Variants in FHIT observed in about 807,000 individuals in gnomAD.
FHIT encodes the protein fragile histidine triad diadenosine triphosphatase.
In FHIT, 19 loss-of-function variants were observed where a neutral mutation model predicts 17.9. The ratio of observed to expected loss-of-function variants is 1.06; its 90% CI spans 0.74 to 1.56. FHIT has a LOEUF of 1.56. FHIT is among the 40% of genes most tolerant of loss of function. The probability of loss-of-function intolerance (pLI) is 0.00; values close to 1 mark genes in which losing one functional copy is unlikely to be tolerated. For synonymous variants in FHIT, 81 were observed against 69.7 expected, an observed-to-expected ratio of 1.16 and a Z score of -0.81; for missense variants, 248 against 189.2, an observed-to-expected ratio of 1.31 and a Z score of -1.82.
intron 3 of FHIT, among the ~76,000 whole-genome samples, chr3:60,874,601 G>T (rs1423667688): frequency 6.6e-6 from 1 of 152,098 alleles, no homozygotes; most frequent in Non-Finnish European, 1.5e-5. Context: ...ACCAGGACAG[G>T]GACAGAAGAA....
intron 5 of FHIT, among the ~76,000 whole-genome samples, chr3:60,087,587 C>T (rs1703549182): frequency 6.6e-6 from 1 of 152,144 alleles, no homozygotes; most frequent in Non-Finnish European, 1.5e-5. Flanking sequence ...TGCAGCCTAG[C>T]ATTTTCATCC....
intron 4 of FHIT, among the ~76,000 whole-genome samples, chr3:60,715,216 A>G (rs2041651297): frequency 6.6e-6 from 1 of 152,160 alleles, no homozygotes; most frequent in Non-Finnish European, 1.5e-5. Flanking sequence ...TGGTGCTGGG[A>G]AAACTGGCTA....
At chr3:60,558,344 C>T (rs2036814778) in intron 4 of FHIT, among the ~76,000 whole-genome samples, 1 of 151,894 alleles carries the variant, frequency 6.6e-6, no homozygotes, top group South Asian at 2.1e-4. Context: ...GCATCAATTA[C>T]CCTTAGTAAC....
rs190705041 is a variant in FHIT at position 59,986,377 on chromosome 3, G to T, written c.279+24994C>A. On this transcript the variant is annotated intron_variant, in intron 7 of 9. Transcript: ENST00000492590. ...CCAAATACTGTCTTTTCTCCAACTC[G>T]ATTTTTCCTTCTTGTGCCCTTACTT... Among the ~76,000 whole-genome samples, 460 of 150,202 alleles carry T rather than the reference G, an allele frequency of 3.1e-3. 14 individuals are homozygous for T. Among genetic ancestry groups the T allele is most frequent in the Non-Finnish European group, 1.2e-3 (80 of 67,778 alleles).
intron 3 of FHIT, among the ~76,000 whole-genome samples, chr3:60,944,339 T>C (rs567608035): frequency 1.3e-5 from 2 of 152,136 alleles, no homozygotes; most frequent in Non-Finnish European, 2.9e-5. Flanking sequence ...TTTGTCTTTT[T>C]TTTTTCCTCC....
intron 3 of FHIT, among the ~76,000 whole-genome samples, chr3:60,925,656 T>C (rs4474995): frequency 0.043 from 6,620 of 152,208 alleles, 505 homozygotes; most frequent in African/African-American, 0.15. Flanking sequence ...CATCAACTAA[T>C]GAGCAAAATA....
chr3:59,861,152 T>A (rs557182918), intron 8 of FHIT, among the ~76,000 whole-genome samples: 3 of 152,174 alleles, frequency 2.0e-5, no homozygotes, highest in African/African-American at 7.2e-5. Context: ...TGAGGAAGCA[T>A]GGGTGGTGGT....
intron 8 of FHIT, among the ~76,000 whole-genome samples, chr3:59,848,841 T>C (rs1207133248): frequency 6.6e-6 from 1 of 152,190 alleles, no homozygotes; most frequent in Non-Finnish European, 1.5e-5. Flanking sequence ...ATAAAACACT[T>C]GGGGAAAAAG....
chr3:60,201,670 T>C (rs528017451), intron 5 of FHIT, among the ~76,000 whole-genome samples: 1 of 152,310 alleles, frequency 6.6e-6, no homozygotes, highest in South Asian at 2.1e-4. Context: ...CTACATGGGA[T>C]TTATTATACT....
At chr3:60,240,044 CTG>C (rs1220453936) in intron 5 of FHIT, among the ~76,000 whole-genome samples, 2 of 152,166 alleles carry the variant, frequency 1.3e-5, no homozygotes, top group African/African-American at 4.8e-5. Flanking sequence ...ACACAAAAAA[CTG>C]TAAAAATTAT....
intron 4 of FHIT, among the ~76,000 whole-genome samples, chr3:60,692,861 T>C (rs1018465973): frequency 3.9e-5 from 6 of 152,234 alleles, no homozygotes; most frequent in African/African-American, 1.4e-4. Flanking sequence ...TTCACAAAAG[T>C]ACTTACATGC....
intron 3 of FHIT, among the ~76,000 whole-genome samples, chr3:60,958,342 T>G (rs1709266939): frequency 6.6e-6 from 1 of 152,346 alleles, no homozygotes; most frequent in South Asian, 2.1e-4. Flanking sequence ...AGTATATACA[T>G]GTCCAGCAAG....
intron 4 of FHIT, among the ~76,000 whole-genome samples, chr3:60,758,985 T>C (rs994304179): frequency 6.6e-6 from 1 of 152,124 alleles, no homozygotes; most frequent in Non-Finnish European, 1.5e-5. Context: ...GCTACGGCGA[T>C]GTCCAGGGCA....
At chr3:60,395,660 T>C (rs1701410770) in intron 5 of FHIT, among the ~76,000 whole-genome samples, 1 of 152,082 alleles carries the variant, frequency 6.6e-6, no homozygotes, top group Non-Finnish European at 1.5e-5. Context: ...GAAAGGGGCC[T>C]AAAAGGGAAG....
chr3:59,865,470 T>G (rs1218416544), intron 8 of FHIT, among the ~76,000 whole-genome samples: 1 of 152,240 alleles, frequency 6.6e-6, no homozygotes, highest in Non-Finnish European at 1.5e-5. Flanking sequence ...TATTACTTTA[T>G]GTAGCTGAAA....
At chr3:60,428,295 T>C (rs1326472261) in intron 5 of FHIT, among the ~76,000 whole-genome samples, 1 of 152,168 alleles carries the variant, frequency 6.6e-6, no homozygotes, top group Non-Finnish European at 1.5e-5. Flanking sequence ...GCTATTGTAT[T>C]ACATGTAAAG....
intron 3 of FHIT, among the ~76,000 whole-genome samples, chr3:60,850,515 T>C (rs1703114703): frequency 6.6e-6 from 1 of 152,130 alleles, no homozygotes; most frequent in Non-Finnish European, 1.5e-5. Context: ...ATAGCTCTCA[T>C]TGCATCCCAT....
chr3:60,830,956 G>C (rs962529782), intron 3 of FHIT, among the ~76,000 whole-genome samples: 1 of 152,016 alleles, frequency 6.6e-6, no homozygotes, highest in African/African-American at 2.4e-5. Flanking sequence ...GTGATATAAG[G>C]GCAGTAAATA....
chr3:60,466,617 A>G (rs938148205), intron 5 of FHIT, among the ~76,000 whole-genome samples: 8 of 152,050 alleles, frequency 5.3e-5, no homozygotes, highest in Non-Finnish European at 1.0e-4. Context: ...TTTTTCAGCA[A>G]AAATTGAAAT....
Sources: gnomAD v4.1 joint callset for allele counts (sites outside exome capture counted in the v4.1 genomes callset) on GRCh38, gnomAD v4.1.1 for gene constraint, MANE v1.5 for transcripts, NCBI Gene and HGNC (gene_info 2026-07-23, HGNC 2026-07-21) for gene names.